The following USH2A variants were observed in gnomAD, a reference collection of about 807,000 sequenced individuals.
The protein encoded by USH2A is usherin, also known as Usher syndrome 2A (autosomal recessive, mild).
In USH2A, 443 loss-of-function variants were observed where a neutral mutation model predicts 538.9. That is an observed-to-expected ratio of 0.82 (90% CI 0.76 to 0.89). The LOEUF is 0.89. Ranked by LOEUF, USH2A falls within the 40% of genes least tolerant of loss-of-function variation. The pLI, the probability that USH2A is intolerant of heterozygous loss-of-function variation, is 0.00. For missense variants in USH2A, 6,633 were observed against 6,324.8 expected (o/e 1.05, Z -1.65); for synonymous variants, 2,413 against 2,273.5 (o/e 1.06, Z -1.75).
chr1:215,630,478 G>GTATATATA (rs1656229420), intron 70 of USH2A, among the ~76,000 whole-genome samples: 1 of 35,170 alleles, frequency 2.8e-5, no homozygotes, highest in African/African-American at 7.8e-5. Flanking sequence ...GTGTATGTGT[G>GTATATATA]TGTGTATATA....
intron 47 of USH2A, among the ~76,000 whole-genome samples, chr1:215,835,616 T>C (rs2102813340): frequency 6.6e-6 from 1 of 152,274 alleles, no homozygotes; most frequent in East Asian, 1.9e-4. Context: ...GACCTGGGAT[T>C]CCAAACACTT....
At chr1:216,230,219 T>G (rs1458569946) in intron 14 of USH2A, among the ~76,000 whole-genome samples, 1 of 151,842 alleles carries the variant, frequency 6.6e-6, no homozygotes, top group Non-Finnish European at 1.5e-5. Context: ...AGCCCAAGAG[T>G]TCCAACTGGG....
At chr1:216,405,396 G>A (rs984582325) in intron 3 of USH2A, among the ~76,000 whole-genome samples, 3 of 152,094 alleles carry the variant, frequency 2.0e-5, no homozygotes, top group African/African-American at 4.8e-5. Context: ...AGACATCACC[G>A]AATTGGACAT....
intron 3 of USH2A, among the ~76,000 whole-genome samples, chr1:216,417,086 CAAGGCTTGACGTCA>C (rs2039588984): frequency 6.6e-6 from 1 of 152,004 alleles, no homozygotes; most frequent in Non-Finnish European, 1.5e-5. Flanking sequence ...GTCCTATGCA[CAAGGCTTGACGTCA>C]GACATGACGT....
intron 32 of USH2A, among the ~76,000 whole-genome samples, chr1:216,033,158 C>T (rs1669168709): frequency 6.6e-6 from 1 of 152,202 alleles, no homozygotes; most frequent in South Asian, 2.1e-4. Flanking sequence ...TCTGAATCTG[C>T]ATCTGCCTGC....
chr1:216,083,013 T>C (rs926735030), intron 26 of USH2A, among the ~76,000 whole-genome samples: 4 of 152,094 alleles, frequency 2.6e-5, no homozygotes, highest in African/African-American at 9.7e-5. Context: ...GGAAAGACTT[T>C]ATAGATAGAC....
chr1:215,658,313 A>C (rs1657330406), intron 64 of USH2A, among the ~76,000 whole-genome samples: 1 of 150,342 alleles, frequency 6.7e-6, no homozygotes, highest in African/African-American at 2.5e-5. Flanking sequence ...CCCCCATCCG[A>C]CTCTCATGGA....
At position 215,826,815 on chromosome 1, in the gene USH2A, C is replaced by A. The variant is rs1428634598; in HGVS notation, c.9372-9620G>T. Among the ~76,000 whole-genome samples, 3 of 151,688 alleles carry A rather than the reference C, an allele frequency of 2.0e-5. No homozygotes were observed. The South Asian group carries it at 6.2e-4, about 32-fold the overall frequency. ...CATAAAATGGTTATATAAACTTAAA[C>A]GATGAAAACATGAACCAGGGTGGTA... On this transcript the variant is annotated intron_variant, in intron 47 of 71. Transcript: ENST00000307340.
At chr1:216,012,925 C>CTATT (rs1340219838) in intron 32 of USH2A, among the ~76,000 whole-genome samples, 1 of 152,140 alleles carries the variant, frequency 6.6e-6, no homozygotes, top group Non-Finnish European at 1.5e-5. Flanking sequence ...AGTCATACTC[C>CTATT]TATTCACCGT....
chr1:215,872,437 T>C (rs1664647571), intron 43 of USH2A, among the ~76,000 whole-genome samples: 1 of 152,050 alleles, frequency 6.6e-6, no homozygotes, highest in Non-Finnish European at 1.5e-5. Context: ...GTTATGTTTC[T>C]GTTGCTATCT....
At chr1:216,132,649 G>A (rs1196029586) in intron 21 of USH2A, among the ~76,000 whole-genome samples, 1 of 152,078 alleles carries the variant, frequency 6.6e-6, no homozygotes, top group Non-Finnish European at 1.5e-5. Context: ...AATTTCCTCT[G>A]TTTTGGCTGA....
chr1:215,808,950 C>G (rs1365106691), intron 49 of USH2A, among the ~76,000 whole-genome samples: 1 of 151,972 alleles, frequency 6.6e-6, no homozygotes, highest in Non-Finnish European at 1.5e-5. Flanking sequence ...AGGATTTTCT[C>G]AAAATATGAA....
chr1:215,814,282 AAGAT>A (rs1462350978), intron 48 of USH2A, among the ~76,000 whole-genome samples: 1 of 147,192 alleles, frequency 6.8e-6, no homozygotes, highest in African/African-American at 2.5e-5. Flanking sequence ...ATATATACAT[AAGAT>A]ATAGATCTTT....
intron 21 of USH2A, among the ~76,000 whole-genome samples, chr1:216,128,232 A>T (rs530599956): frequency 6.6e-6 from 1 of 152,254 alleles, no homozygotes; most frequent in South Asian, 2.1e-4. Flanking sequence ...ATTACATTTG[A>T]TGCTTTTTCA....
At chr1:215,768,440 T>C (rs1439782382) in intron 55 of USH2A, among the ~76,000 whole-genome samples, 1 of 151,060 alleles carries the variant, frequency 6.6e-6, no homozygotes, top group Non-Finnish European at 1.5e-5. Flanking sequence ...CAGCTGGAGC[T>C]GCTCCAAGGT....
chr1:216,368,521 C>A (rs1256466587), intron 3 of USH2A, among the ~76,000 whole-genome samples: 2 of 152,172 alleles, frequency 1.3e-5, no homozygotes, highest in Non-Finnish European at 2.9e-5. Context: ...CCATTGCCTA[C>A]ATTCTTCTAA....
intron 23 of USH2A, among the ~76,000 whole-genome samples, chr1:216,088,343 G>A (rs1406814012): frequency 6.6e-6 from 1 of 152,074 alleles, no homozygotes; most frequent in East Asian, 1.9e-4. Flanking sequence ...TATTTATTCT[G>A]TATTTTGCTG....
intron 14 of USH2A, 62 bp downstream of exon 14, chr1:216,231,890 TG>T: frequency 6.2e-7 from 1 of 1,604,462 alleles, no homozygotes; most frequent in Non-Finnish European, 8.5e-7. Flanking sequence ...GCTTTGCAAC[TG>T]CCAAAAAAAG....
intron 21 of USH2A, among the ~76,000 whole-genome samples, chr1:216,163,265 A>G (rs2034098475): frequency 6.6e-6 from 1 of 151,984 alleles, no homozygotes; most frequent in Non-Finnish European, 1.5e-5. Flanking sequence ...ACTCCGCTCT[A>G]AAATTCCTAT....
Sources: gnomAD v4.1 joint callset for allele counts (sites outside exome capture counted in the v4.1 genomes callset) on GRCh38, gnomAD v4.1.1 for gene constraint, MANE v1.5 for transcripts, NCBI Gene and HGNC (gene_info 2026-07-23, HGNC 2026-07-21) for gene names.